The following CSPP1 variants were observed in gnomAD, a reference collection of about 807,000 sequenced individuals.
CSPP1 encodes centrosome and spindle pole associated protein 1, also known as centrosome and spindle pole-associated protein 1.
In CSPP1, 126 loss-of-function variants were observed where a neutral mutation model predicts 164.4. The observed-to-expected ratio is 0.77, with a 90% CI of 0.66 to 0.89. CSPP1 has a LOEUF of 0.89. Among genes scored for constraint, CSPP1 ranks in the 40% least tolerant of loss-of-function variants. CSPP1 has a pLI of 0.00. For synonymous variants in CSPP1, 472 were observed against 476.7 expected, an observed-to-expected ratio of 0.99 and a Z score of 0.13; for missense variants, 1,395 against 1,449.8, an observed-to-expected ratio of 0.96 and a Z score of 0.61.
At chr8:67,082,480 T>C (rs1433728112) in intron 3 of CSPP1, among the ~76,000 whole-genome samples, 2 of 152,206 alleles carry the variant, frequency 1.3e-5, no homozygotes, top group Non-Finnish European at 2.9e-5. Flanking sequence ...CCTTTATAGC[T>C]GAAATTTAAG....
intron 24 of CSPP1, among the ~76,000 whole-genome samples, chr8:67,167,261 G>A (rs994990699): frequency 1.3e-5 from 2 of 152,204 alleles, no homozygotes; most frequent in African/African-American, 4.8e-5. Flanking sequence ...CGGGGTGGCG[G>A]CTGGGCAGAG....
At position 67,144,780 on chromosome 8, in the gene CSPP1, C is replaced by T. The variant is rs1227647554; in HGVS notation, c.1976-5003C>T. ...TGTTTTTTCTGTGTTTAGAATTCAC[C>T]AGTGAAGGCTGGGTGTGGCGGCTCA... On this transcript the variant is annotated intron_variant, in intron 17 of 30. Transcript: ENST00000678616. 3.3e-5 allele frequency among the ~76,000 whole-genome samples: 5 copies of T among 151,904 alleles called. No individual in the cohort carries two copies. The East Asian group carries it at 9.6e-4, about 29-fold the overall frequency.
intron 18 of CSPP1, among the ~76,000 whole-genome samples, chr8:67,151,601 C>G (rs1021661922): frequency 4.6e-5 from 7 of 152,136 alleles, no homozygotes; most frequent in Non-Finnish European, 7.3e-5. Context: ...TTCCCAAAAG[C>G]ATAAGCCTGA....
At chr8:67,122,050 A>G (rs945714359) in intron 15 of CSPP1, among the ~76,000 whole-genome samples, 1 of 151,514 alleles carries the variant, frequency 6.6e-6, no homozygotes, top group African/African-American at 2.4e-5. Context: ...TTATTTATTT[A>G]TTTATTTTTC....
At chr8:67,110,439 AT>A (rs933451029) in intron 9 of CSPP1, among the ~76,000 whole-genome samples, 3 of 151,748 alleles carry the variant, frequency 2.0e-5, no homozygotes, top group African/African-American at 7.3e-5. Flanking sequence ...TGGAGCTTGA[AT>A]TTTGCTCCTT....
At chr8:67,097,168 C>T (rs775077459) in intron 7 of CSPP1, among the ~76,000 whole-genome samples, 5 of 152,150 alleles carry the variant, frequency 3.3e-5, no homozygotes, top group Non-Finnish European at 7.4e-5. Context: ...AGTGTTAATA[C>T]ATTTTGAGTA....
intron 28 of CSPP1, among the ~76,000 whole-genome samples, chr8:67,190,146 G>A (rs563217792): frequency 2.6e-5 from 4 of 152,158 alleles, no homozygotes; most frequent in Admixed American, 2.6e-4. Context: ...TCATAGCAGT[G>A]TTATTCATAA....
At chr8:67,078,955 G>C (rs1808547235) in intron 3 of CSPP1, among the ~76,000 whole-genome samples, 1 of 152,044 alleles carries the variant, frequency 6.6e-6, no homozygotes, top group African/African-American at 2.4e-5. Flanking sequence ...CTGGGTGACA[G>C]AGAGAGACTC....
At chr8:67,075,272 A>G (rs575132344) in intron 2 of CSPP1, among the ~76,000 whole-genome samples, 1 of 152,312 alleles carries the variant, frequency 6.6e-6, no homozygotes, top group South Asian at 2.1e-4. Flanking sequence ...AAGATACAGC[A>G]TGTAGTTTAA....
chr8:67,093,606 A>G lies in CSPP1; in HGVS notation c.448A>G (p.Ser150Gly), dbSNP rs1554569071. 2 of 1,612,724 alleles carry G rather than the reference A, an allele frequency of 1.2e-6. No homozygotes were observed. The highest frequency in any genetic ancestry group is 1.7e-6 in the Non-Finnish European group (2 of 1,178,882). ...GTTTCTCAGGGGTAAGGAAGAATCC[A>G]GTGAAAAGTTCAGGCAGGTGGAAAA... ...NQFLRGKEESSEKFRQVEKST... is the reference protein window; with the variant it reads ...NQFLRGKEESGEKFRQVEKST... The change falls in exon 6 of 31, where the codon AGT becomes GGT. Residue 150 changes from serine to glycine, a missense_variant. Physicochemically the swap from Ser to Gly is moderately conservative, Grantham distance 56. Coordinates refer to ENST00000678616, the MANE Select transcript of CSPP1 (RefSeq NM_001382391.1).
Position 67,111,996 on chromosome 8 carries a change from A to G in CSPP1, c.1118A>G (p.Gln373Arg), listed in dbSNP as rs1243823741. 1.9e-6 allele frequency: 3 copies of G among 1,610,422 alleles called. No individual in the cohort carries two copies. The highest frequency in any genetic ancestry group is 2.5e-6 in the Non-Finnish European group (3 of 1,177,970). Residue 373 changes from glutamine to arginine, a missense_variant, in exon 10 of 31, where the codon CAG becomes CGG. Coordinates refer to ENST00000678616, the MANE Select transcript of CSPP1 (RefSeq NM_001382391.1). The part of the protein sequence containing the change: ...LFGGEDRELI[Q>R]RRKEKYRLEL... ...GGAGGTGAAGATCGAGAACTTATTC[A>G]GAGAAGGAAAGAGAAATACAGACTA...
At position 67,149,796 on chromosome 8, in the gene CSPP1, G is replaced by C; in HGVS notation, c.1989G>C (p.Arg663Ser). Residue 663 changes from arginine to serine, a missense_variant, in exon 18 of 31, where the codon AGG (arginine) becomes AGC (serine). By Grantham distance (110) the Arg-to-Ser change is moderately radical (BLOSUM62 -1). Coordinates refer to ENST00000678616, the MANE Select transcript of CSPP1 (RefSeq NM_001382391.1). ...AKGNLITDLN[R>S]MHRQNIDAYH... Reference sequence around the variant, plus strand: ...TTTTCCTCTCAGCTGATTTGAATAGGATGCACAGACAAAATATAGATGCCT... The same window carrying C: ...TTTTCCTCTCAGCTGATTTGAATAGCATGCACAGACAAAATATAGATGCCT... 1 of 1,579,690 alleles carries C rather than the reference G, an allele frequency of 6.3e-7. No homozygotes were observed. Among genetic ancestry groups the C allele is most frequent in the Non-Finnish European group, 8.6e-7 (1 of 1,167,226 alleles).
intron 16 of CSPP1, 94 bp from the exon 17 acceptor site, chr8:67,137,362 G>C (rs1463233075): frequency 4.2e-6 from 4 of 955,242 alleles, no homozygotes; most frequent in Non-Finnish European, 5.7e-6. Flanking sequence ...TTTTTTGCTT[G>C]TTTTCTAATA....
chr8:67,162,143 G>C lies in CSPP1; in HGVS notation c.2643+228G>C, dbSNP rs574131845. On this transcript the variant is annotated intron_variant, in intron 22 of 30. Coordinates refer to ENST00000678616, the MANE Select transcript of CSPP1 (RefSeq NM_001382391.1). ...ATTTAGCCCCTCAAGCTAGGTAGCT[G>C]TAGATATGCTCATTGAGTCTGTTAT... 3.9e-5 allele frequency among the ~76,000 whole-genome samples: 6 copies of C among 152,308 alleles called. 1 individual carries two copies. In the South Asian group the frequency reaches 1.2e-3, roughly 32 times the overall value.
intron 8 of CSPP1, among the ~76,000 whole-genome samples, chr8:67,104,967 T>TATATATATATATATA (rs61548979): frequency 2.3e-5 from 2 of 87,630 alleles, no homozygotes; most frequent in East Asian, 2.9e-4. Context: ...TATATATATA[T>TATATATATATATATA]TTTTTTTTTT....
intron 28 of CSPP1, among the ~76,000 whole-genome samples, chr8:67,185,692 C>A (rs914256231): frequency 6.6e-6 from 1 of 152,014 alleles, no homozygotes; most frequent in Non-Finnish European, 1.5e-5. Context: ...GAGGTGGTAG[C>A]AAGGTTCCAA....
chr8:67,128,692 A>G (rs1820614508), intron 15 of CSPP1, among the ~76,000 whole-genome samples: 1 of 152,202 alleles, frequency 6.6e-6, no homozygotes. Context: ...GAAAATTACA[A>G]GCTAGTTACA....
At chr8:67,080,861 A>G (rs1172278954) in intron 3 of CSPP1, 1 of 152,210 alleles carries the variant, frequency 6.6e-6, no homozygotes, top group Non-Finnish European at 1.5e-5. Flanking sequence ...CAGGATACAG[A>G]ATATTGCCAA....
At chr8:67,151,345 AT>A (rs1259885002) in intron 18 of CSPP1, among the ~76,000 whole-genome samples, 1 of 152,142 alleles carries the variant, frequency 6.6e-6, no homozygotes, top group Non-Finnish European at 1.5e-5. Context: ...ACCTTTTCAT[AT>A]TATTGCTGCT....
Sources: allele counts gnomAD v4.1 joint callset (sites outside exome capture counted in the v4.1 genomes callset), GRCh38; gene constraint gnomAD v4.1.1; transcripts MANE v1.5; gene names NCBI Gene and HGNC (gene_info 2026-07-23, HGNC 2026-07-21).